Variants in CSNK1G3 observed in about 807,000 individuals in gnomAD.
CSNK1G3 encodes casein kinase I isoform gamma-3.
Under a neutral mutation model 64.3 loss-of-function variants are expected in CSNK1G3, and 23 were observed. The observed-to-expected ratio is 0.36, with a 90% CI of 0.26 to 0.51. The LOEUF is 0.51. CSNK1G3 is among the 20% of genes least tolerant of loss of function. CSNK1G3 has a pLI of 0.96. For missense variants in CSNK1G3, 357 were observed against 510.5 expected, an observed-to-expected ratio of 0.70 and a Z score of 2.90; for synonymous variants, 158 against 162.2, an observed-to-expected ratio of 0.97 and a Z score of 0.20.
intron 3 of CSNK1G3, among the ~76,000 whole-genome samples, chr5:123,556,932 G>C (rs562223894): frequency 1.3e-5 from 2 of 152,048 alleles, no homozygotes; most frequent in Non-Finnish European, 2.9e-5. Flanking sequence ...AGTAAAAAAG[G>C]TATGATGGAA....
intron 8 of CSNK1G3, 46 bp from the exon 9 acceptor site, chr5:123,590,360 CTGAG>C (rs1189102577): frequency 1.1e-6 from 1 of 901,584 alleles, no homozygotes; most frequent in Non-Finnish European, 1.5e-6. Flanking sequence ...AATTTTATTA[CTGAG>C]TATTAAAGAA....
chr5:123,549,936 G>GT (rs1421774373), intron 2 of CSNK1G3, among the ~76,000 whole-genome samples: 1 of 151,862 alleles, frequency 6.6e-6, no homozygotes, highest in Non-Finnish European at 1.5e-5. Flanking sequence ...TCTTATTTTT[G>GT]TTTTTTCTTT....
chr5:123,597,581 C>A (rs767593763), intron 10 of CSNK1G3, among the ~76,000 whole-genome samples: 5 of 152,020 alleles, frequency 3.3e-5, no homozygotes, highest in Non-Finnish European at 7.4e-5. Flanking sequence ...AACCTCTTGC[C>A]ATTTTTGACC....
In CSNK1G3 at chr5:123,593,195, G is replaced by GTA. The variant is rs112619442; in HGVS notation, c.1086+1788_1086+1789dup. ...CACTAAATGTAGGGTGGGTGTGTGT[G>GTA]TATATATACACACACACACACACAC... On this transcript the variant is annotated intron_variant, in intron 10 of 12. Coordinates refer to ENST00000345990, the Ensembl canonical transcript of CSNK1G3. 9.4e-3 allele frequency among the ~76,000 whole-genome samples: 979 copies of GTA among 103,706 alleles called. 10 individuals carry two copies. Among genetic ancestry groups the GTA allele is most frequent in the African/African-American group, 0.035 (832 of 24,038 alleles). 68.0% of individuals were successfully genotyped at this position (103,706 alleles called of 152,430 possible).
chr5:123,590,119 C>T (rs1013291662), intron 8 of CSNK1G3, among the ~76,000 whole-genome samples: 13 of 151,954 alleles, frequency 8.6e-5, no homozygotes, highest in Non-Finnish European at 1.9e-4. Context: ...TCTCATACTA[C>T]CAAATATTAA....
intron 4 of CSNK1G3, among the ~76,000 whole-genome samples, chr5:123,567,615 T>A (rs1052688887): frequency 2.0e-5 from 3 of 151,990 alleles, no homozygotes; most frequent in African/African-American, 2.4e-5. Flanking sequence ...TAAAAAAAAA[T>A]ATTTTAAAAG....
intron 1 of CSNK1G3, among the ~76,000 whole-genome samples, chr5:123,542,830 T>G (rs551941971): frequency 6.7e-6 from 1 of 148,720 alleles, no homozygotes; most frequent in South Asian, 2.1e-4. Flanking sequence ...TTTTAGCAGT[T>G]TGTGATATGC....
rs887770158 is a variant in CSNK1G3 at position 123,518,879 on chromosome 5, C to T, written c.-248+6309C>T. 5.9e-5 allele frequency among the ~76,000 whole-genome samples: 9 copies of T among 152,256 alleles called. No individual in the cohort carries two copies. In the East Asian group the frequency reaches 7.7e-4, roughly 13 times the overall value. On this transcript the variant is annotated intron_variant, in intron 1 of 12. Transcript: ENST00000345990. Reference sequence around the variant, plus strand: ...TTTTGAAGCGATTCTCGTGCTTCAGCGTCCCAAGTAGCTGGGATTACAGGT... The same window carrying T: ...TTTTGAAGCGATTCTCGTGCTTCAGTGTCCCAAGTAGCTGGGATTACAGGT...
rs887567683 is a variant in CSNK1G3 at position 123,577,565 on chromosome 5, A to G, written c.673+1602A>G. 7.9e-5 allele frequency among the ~76,000 whole-genome samples: 12 copies of G among 151,520 alleles called. No homozygotes were observed. In the East Asian group the frequency reaches 1.5e-3, roughly 19 times the overall value. ...CCATATTTGTATCTTTTTTTTTAACAGTGAGAAATCTGGCTATCACTACTT... is the reference window on the plus strand; with the variant it reads ...CCATATTTGTATCTTTTTTTTTAACGGTGAGAAATCTGGCTATCACTACTT... On this transcript the variant is annotated intron_variant, in intron 6 of 12. Transcript: ENST00000345990.
At chr5:123,513,758 G>A (rs1776655719) in intron 1 of CSNK1G3, among the ~76,000 whole-genome samples, 1 of 152,076 alleles carries the variant, frequency 6.6e-6, no homozygotes, top group South Asian at 2.1e-4. Context: ...AAGAATATTG[G>A]CTTTCCCGGT....
chr5:123,550,118 A>G (rs1783352581), intron 2 of CSNK1G3, among the ~76,000 whole-genome samples: 2 of 152,170 alleles, frequency 1.3e-5, no homozygotes, highest in African/African-American at 4.8e-5. Flanking sequence ...CTATTATAAA[A>G]CTTACCTGAA....
intron 4 of CSNK1G3, among the ~76,000 whole-genome samples, chr5:123,564,637 T>A (rs1346825590): frequency 1.3e-5 from 2 of 152,152 alleles, no homozygotes; most frequent in Non-Finnish European, 2.9e-5. Context: ...AAATTTTTAC[T>A]TGTTTGTAGG....
At chr5:123,613,650 G>T (rs1277105649) in intron 12 of CSNK1G3, among the ~76,000 whole-genome samples, 1 of 152,022 alleles carries the variant, frequency 6.6e-6, no homozygotes, top group Non-Finnish European at 1.5e-5. Flanking sequence ...GGGATTACAG[G>T]CATGAGCCAC....
At chr5:123,549,489 C>G (rs533435669) in intron 2 of CSNK1G3, among the ~76,000 whole-genome samples, 1 of 152,262 alleles carries the variant, frequency 6.6e-6, no homozygotes, top group South Asian at 2.1e-4. Flanking sequence ...GGCAATATTC[C>G]TCTACCTTAT....
chr5:123,587,071 G>A (rs1157775299), intron 6 of CSNK1G3, among the ~76,000 whole-genome samples: 2 of 152,232 alleles, frequency 1.3e-5, no homozygotes, highest in Middle Eastern at 3.4e-3. Flanking sequence ...CTCTCACAAC[G>A]CATGAGAATT....
chr5:123,582,358 G>A (rs1462374410), intron 6 of CSNK1G3, among the ~76,000 whole-genome samples: 1 of 152,110 alleles, frequency 6.6e-6, no homozygotes, highest in Non-Finnish European at 1.5e-5. Flanking sequence ...TAGGTACCTA[G>A]TTTTGAAGTA....
At chr5:123,596,593 T>C (rs1479379268) in intron 10 of CSNK1G3, among the ~76,000 whole-genome samples, 1 of 152,150 alleles carries the variant, frequency 6.6e-6, no homozygotes, top group Non-Finnish European at 1.5e-5. Context: ...AAAGGGTGAA[T>C]GAATTTCATT....
chr5:123,546,073 G>GA (rs1782467878), intron 2 of CSNK1G3: 1 of 416,364 alleles, frequency 2.4e-6, no homozygotes, highest in South Asian at 4.5e-5. Context: ...CAGATTATGA[G>GA]AAAACAAACA....
At chr5:123,523,253 AGTTTATATT>A (rs1482143459) in intron 1 of CSNK1G3, among the ~76,000 whole-genome samples, 40 of 152,162 alleles carry the variant, frequency 2.6e-4, no homozygotes, top group African/African-American at 9.4e-4. Flanking sequence ...TATTGCATAT[AGTTTATATT>A]GTTTATATTG....
Sources: gnomAD v4.1 joint callset for allele counts (sites outside exome capture counted in the v4.1 genomes callset) on GRCh38, gnomAD v4.1.1 for gene constraint, MANE v1.5 for transcripts, NCBI Gene and HGNC (gene_info 2026-07-23, HGNC 2026-07-21) for gene names.